Variants in TRIO observed in about 807,000 individuals in gnomAD.
The protein encoded by TRIO is trio Rho guanine nucleotide exchange factor, also known as triple functional domain protein.
Under a neutral mutation model 351.9 loss-of-function variants are expected in TRIO, and 58 were observed. The ratio of observed to expected loss-of-function variants is 0.16; its 90% CI spans 0.13 to 0.21. The LOEUF (loss-of-function observed/expected upper bound fraction) is 0.21. Ranked by LOEUF, TRIO falls within the 10% of genes least tolerant of loss-of-function variation. TRIO has a pLI of 1.00. For missense variants in TRIO, 3,201 were observed against 4,027.8 expected, an observed-to-expected ratio of 0.79 and a Z score of 5.56; for synonymous variants, 1,758 against 1,595.7, an observed-to-expected ratio of 1.10 and a Z score of -2.42.
At chr5:14,410,032 C>T (rs1451886656) in intron 33 of TRIO, among the ~76,000 whole-genome samples, 7 of 152,046 alleles carry the variant, frequency 4.6e-5, no homozygotes, top group East Asian at 1.9e-4. Context: ...ACAGACCTGG[C>T]GAATTTTCTT....
At chr5:14,345,990 G>A (rs530262840) in intron 11 of TRIO, among the ~76,000 whole-genome samples, 3 of 152,258 alleles carry the variant, frequency 2.0e-5, no homozygotes, top group South Asian at 4.1e-4. Flanking sequence ...ATGTATTTTC[G>A]TATGTATTTC....
chr5:14,443,131 TTCTC>T (rs889318017), intron 34 of TRIO, among the ~76,000 whole-genome samples: 2 of 152,170 alleles, frequency 1.3e-5, no homozygotes, highest in Admixed American at 6.5e-5. Context: ...CATTTTTTGT[TTCTC>T]TCTATATATT....
intron 11 of TRIO, among the ~76,000 whole-genome samples, chr5:14,352,394 T>C (rs1194727942): frequency 6.6e-6 from 1 of 152,210 alleles, no homozygotes; most frequent in Non-Finnish European, 1.5e-5. Flanking sequence ...ATTTATCTTT[T>C]TATTATAAAT....
intron 42 of TRIO, 141 bp from the exon 43 acceptor site, chr5:14,479,778 G>T: frequency 1.6e-6 from 1 of 638,474 alleles, no homozygotes; most frequent in Non-Finnish European, 2.5e-6. Context: ...CTGTGAACTA[G>T]CAAAGCTCTA....
At chr5:14,439,599 T>C (rs1751863176) in intron 34 of TRIO, among the ~76,000 whole-genome samples, 2 of 152,252 alleles carry the variant, frequency 1.3e-5, no homozygotes, top group Admixed American at 1.3e-4. Flanking sequence ...TCATAATTTT[T>C]AGTGCTTTTT....
chr5:14,336,280 T>A (rs1014654463), intron 10 of TRIO, among the ~76,000 whole-genome samples: 2 of 152,212 alleles, frequency 1.3e-5, no homozygotes, highest in Non-Finnish European at 1.5e-5. Flanking sequence ...AGCAATTGCC[T>A]GCAGATAGTC....
intron 1 of TRIO, among the ~76,000 whole-genome samples, chr5:14,169,834 A>G (rs1788994559): frequency 6.6e-6 from 1 of 152,242 alleles, no homozygotes; most frequent in Non-Finnish European, 1.5e-5. Context: ...AGTTGATTGT[A>G]CTTGAAACAT....
At chr5:14,387,229 A>G (rs1340602432) in intron 21 of TRIO, 1 of 489,950 alleles carries the variant, frequency 2.0e-6, no homozygotes, top group African/African-American at 1.9e-5. Context: ...GGTCATAAAA[A>G]TGCCATTCGT....
At chr5:14,434,585 C>G (rs1390785994) in intron 34 of TRIO, among the ~76,000 whole-genome samples, 2 of 152,138 alleles carry the variant, frequency 1.3e-5, no homozygotes, top group African/African-American at 4.8e-5. Context: ...TACCCAGCTC[C>G]CCCAATAGTA....
chr5:14,461,417 C>T (rs1753801191), intron 35 of TRIO, 106 bp downstream of exon 35: 8 of 1,363,672 alleles, frequency 5.9e-6, no homozygotes, highest in African/African-American at 4.5e-5. Flanking sequence ...TTCTGTTTTC[C>T]GCACTTACTC....
chr5:14,475,189 A>C (rs1157210910), intron 40 of TRIO, among the ~76,000 whole-genome samples: 1 of 152,154 alleles, frequency 6.6e-6, no homozygotes, highest in Non-Finnish European at 1.5e-5. Context: ...GGATTGCTTA[A>C]TGCTGGCCAC....
intron 1 of TRIO, among the ~76,000 whole-genome samples, chr5:14,177,210 A>ACC (rs1789459414): frequency 6.6e-6 from 1 of 152,200 alleles, no homozygotes; most frequent in African/African-American, 2.4e-5. Flanking sequence ...TATTTATGTT[A>ACC]TATACGTGAG....
At chr5:14,357,223 C>T (rs1037408110) in intron 11 of TRIO, among the ~76,000 whole-genome samples, 1 of 152,180 alleles carries the variant, frequency 6.6e-6, no homozygotes, top group South Asian at 2.1e-4. Flanking sequence ...GGGTATCAAG[C>T]GGGAGGTCCC....
chr5:14,279,255 C>G lies in TRIO; in HGVS notation c.233-1067C>G, dbSNP rs116423322. Among the ~76,000 whole-genome samples, 92 of 152,242 alleles carry G rather than the reference C, an allele frequency of 6.0e-4. No individual in the cohort carries two copies. The Middle Eastern group carries it at 0.01, about 17-fold the overall frequency. ...TATTATTTAGAATGAGTACATAATT[C>G]CTATGAAGTTATGAAAACCATATTG... On this transcript the variant is annotated intron_variant, in intron 2 of 56. Coordinates refer to ENST00000344204, the MANE Select transcript of TRIO (RefSeq NM_007118.4).
In TRIO at chr5:14,322,095, C is replaced by T. The variant is rs533963490; in HGVS notation, c.1731+5352C>T. 1.8e-4 allele frequency among the ~76,000 whole-genome samples: 28 copies of T among 152,212 alleles called. No homozygotes were observed. In the East Asian group the frequency reaches 4.6e-3, roughly 25 times the overall value. The stretch of plus-strand genomic sequence containing the variant: ...GTGAGTAAGTCTTGGAGAGTAAGAA[C>T]GTGAGGACCACAGAGACAGCCATCA... On this transcript the variant is annotated intron_variant, in intron 9 of 56. Coordinates refer to ENST00000344204, the MANE Select transcript of TRIO (RefSeq NM_007118.4).
intron 11 of TRIO, among the ~76,000 whole-genome samples, chr5:14,349,609 A>G (rs1224086143): frequency 2.6e-5 from 4 of 152,228 alleles, no homozygotes; most frequent in Non-Finnish European, 5.9e-5. Flanking sequence ...GTTCTACAAG[A>G]TGAGCCCTTG....
At chr5:14,276,808 A>G (rs141677850) in intron 2 of TRIO, among the ~76,000 whole-genome samples, 11 of 152,362 alleles carry the variant, frequency 7.2e-5, no homozygotes, top group African/African-American at 2.4e-4. Context: ...TTGTGAATCT[A>G]GCTGTTTCTG....
intron 33 of TRIO, 26 bp downstream of exon 33, chr5:14,406,698 G>A (rs1178148476): frequency 9.3e-6 from 15 of 1,608,656 alleles, no homozygotes; most frequent in Non-Finnish European, 1.0e-5. Flanking sequence ...CACTTTGTGT[G>A]CGGAGGGGAA....
Position 14,461,210 on chromosome 5 carries a change from A to G in TRIO, c.5395A>G (p.Lys1799Glu). ...CGGGCACGTGAAGAAGCTGGCGCAC[A>G]AGCACAAGAAGAGCCGCGAGGTCCG... is the stretch of plus-strand genomic sequence containing the variant. ...ADGHVKKLAH[K>E]HKKSREVRKS... The change falls in exon 35 of 57, where the codon AAG (lysine) becomes GAG (glutamate). Residue 1799 changes from lysine (K) to glutamate (E), a missense_variant. Lys to Glu is a moderately conservative substitution (Grantham distance 56). Transcript: ENST00000344204. 6.4e-7 allele frequency: 1 copy of G among 1,570,778 alleles called. No individual in the cohort carries two copies.
Sources: gnomAD v4.1 joint callset for allele counts (sites outside exome capture counted in the v4.1 genomes callset) on GRCh38, gnomAD v4.1.1 for gene constraint, MANE v1.5 for transcripts, NCBI Gene and HGNC (gene_info 2026-07-23, HGNC 2026-07-21) for gene names.